Variants in VARS1 observed in about 807,000 individuals in gnomAD.
VARS1 encodes the protein valine--tRNA ligase.
A neutral mutation model predicts 161.0 loss-of-function variants in VARS1; 92 were observed. The ratio of observed to expected loss-of-function variants is 0.57; its 90% CI spans 0.48 to 0.68. The LOEUF is 0.68. Among genes scored for constraint, VARS1 ranks in the 30% least tolerant of loss-of-function variants. VARS1 has a pLI of 0.00. For missense variants in VARS1, 1,338 were observed against 1,695.9 expected (o/e 0.79, Z 3.71); for synonymous variants, 595 against 682.5 (o/e 0.87, Z 2.00).
In VARS1 at chr6:31,781,885, T is replaced by A. The variant is rs1445469738; in HGVS notation, c.2309A>T (p.Glu770Val). ...GATCTTGTCAGGGGACACTCCGAAC[T>A]CCTTGGCTGCCTTCTCCCGGGCCTC... Reference protein sequence around the residue: ...EAEAREKAAKEFGVSPDKISL... With the variant: ...EAEAREKAAKVFGVSPDKISL... The change falls in exon 19 of 30, where the codon GAG becomes GTG. Residue 770 changes from glutamate (E) to valine (V), a missense_variant. Glu to Val is a moderately radical substitution (Grantham distance 121). Around this residue, in one of 3 missense-constraint regions of VARS1, gnomAD observed 902 missense variants for 1,090.3 expected, o/e 0.83. Transcript: ENST00000375663. This position sits in a 1 kb window ranked among gnomAD's most constrained non-coding sequence, Gnocchi z 6.8. 20 of 1,612,980 alleles carry A rather than the reference T, an allele frequency of 1.2e-5. No homozygotes were observed. Among genetic ancestry groups the A allele is most frequent in the Non-Finnish European group, 1.6e-5 (19 of 1,180,030 alleles).
At chr6:31,787,093 G>A (rs1480219379) in intron 8 of VARS1, among the ~76,000 whole-genome samples, 1 of 150,994 alleles carries the variant, frequency 6.6e-6, no homozygotes, top group Non-Finnish European at 1.5e-5. Context: ...CAGGCATGGT[G>A]GCGTGCACCT....
In VARS1 at chr6:31,781,038, A is replaced by G. The variant is rs754707547; in HGVS notation, c.2630T>C (p.Ile877Thr). The change falls in exon 22 of 30, where the codon ATC becomes ACC. Residue 877 changes from isoleucine to threonine, a missense_variant. Coordinates refer to ENST00000375663, the MANE Select transcript of VARS1 (RefSeq NM_006295.3). This position sits in a 1 kb window ranked among gnomAD's most constrained non-coding sequence, Gnocchi z 6.8. Reference sequence around the variant, plus strand: ...GCCCACCTGCAGGGAGATTCCATAGATGACGTCCAGGGGATCGATGACATT... The same window carrying G: ...GCCCACCTGCAGGGAGATTCCATAGGTGACGTCCAGGGGATCGATGACATT... ...LGNVIDPLDV[I>T]YGISLQGLHN... 6.2e-7 allele frequency: 1 copy of G among 1,614,020 alleles called. No homozygotes were observed. The highest frequency in any genetic ancestry group is 8.5e-7 in the Non-Finnish European group (1 of 1,180,024).
Position 31,785,067 on chromosome 6 carries a change from A to G in VARS1, c.1347+179T>C, listed in dbSNP as rs1015480346. ...GCCAAGACAGGGAACATGAAGGGCC[A>G]TGATATGGAAAGGGCCATGGCGAGG... On this transcript the variant is annotated intron_variant, in intron 10 of 29. Transcript: ENST00000375663. This position sits in a 1 kb window ranked among gnomAD's most constrained non-coding sequence, Gnocchi z 6.1. 6.6e-6 allele frequency among the ~76,000 whole-genome samples: 1 copy of G among 152,178 alleles called. No individual in the cohort carries two copies. Among genetic ancestry groups the G allele is most frequent in the Non-Finnish European group, 1.5e-5 (1 of 68,032 alleles).
Position 31,782,745 on chromosome 6 carries a change from G to T in VARS1, c.1863C>A (p.Leu621=), listed in dbSNP as rs1813243553. 6.2e-7 allele frequency: 1 copy of T among 1,612,910 alleles called. No homozygotes were observed. The highest frequency in any genetic ancestry group is 1.1e-5 in the South Asian group (1 of 91,084). The change falls in exon 15 of 30, where the codon CTC becomes CTA. Residue 621 remains leucine, a synonymous_variant. Coordinates refer to ENST00000375663, the MANE Select transcript of VARS1 (RefSeq NM_006295.3). The surrounding 1 kb of genome is among the most constrained non-coding windows in gnomAD (Gnocchi z 8.3). The part of the protein sequence containing the change: ...AISIMDSRGA[L]INVPPPFLGL... ...CCAGGAAAGGCGGAGGCACATTGAT[G>T]AGGGCCCCCCGGGAGTCCATGATGC... is the stretch of plus-strand genomic sequence containing the variant.
chr6:31,792,359 T>A, intron 5 of VARS1, 33 bp downstream of exon 5: 1 of 1,613,886 alleles, frequency 6.2e-7, no homozygotes, highest in Non-Finnish European at 8.5e-7. Flanking sequence ...ACCGCACACA[T>A]CAACTTTCCT....
rs768318311 is a variant in VARS1 at position 31,785,541 on chromosome 6, G to A, written c.1265+28C>T. The A allele has an allele frequency of 9.5e-6, 15 of 1,574,226 alleles. No homozygotes were observed. The highest frequency in any genetic ancestry group is 5.6e-5 in the Admixed American group (3 of 53,884). Reference sequence around the variant, plus strand: ...ATAGGGGACAGGGAGGCAGGGCTGCGATGCCCACAGGGATGCTGCATACTC... The same window carrying A: ...ATAGGGGACAGGGAGGCAGGGCTGCAATGCCCACAGGGATGCTGCATACTC... On this transcript the variant is annotated intron_variant, in intron 9 of 29. Transcript: ENST00000375663. This position sits in a 1 kb window ranked among gnomAD's most constrained non-coding sequence, Gnocchi z 6.1.
intron 8 of VARS1, among the ~76,000 whole-genome samples, chr6:31,789,885 G>A (rs1165494874): frequency 6.6e-6 from 1 of 151,920 alleles, no homozygotes; most frequent in Admixed American, 6.6e-5. Flanking sequence ...TTAGCCGGGC[G>A]TGGTGGTGGG....
At position 31,785,761 on chromosome 6, in the gene VARS1, G is replaced by A; in HGVS notation, c.1101-28C>T. The A allele has an allele frequency of 6.3e-7, 1 of 1,592,200 alleles. No individual in the cohort carries two copies. The highest frequency in any genetic ancestry group is 8.5e-7 in the Non-Finnish European group (1 of 1,172,232). ...GTTAGGGGGCATGGAGGACCAGAGG[G>A]TGAGCCAGGCCAGTGGGGCCTGGCA... On this transcript the variant is annotated intron_variant, in intron 8 of 29. Coordinates refer to ENST00000375663, the MANE Select transcript of VARS1 (RefSeq NM_006295.3). The surrounding 1 kb of genome is among the most constrained non-coding windows in gnomAD (Gnocchi z 6.1).
At position 31,792,867 on chromosome 6, in the gene VARS1, C is replaced by T; in HGVS notation, c.551G>A (p.Trp184Ter). The T allele has an allele frequency of 6.2e-7, 1 of 1,614,148 alleles. No individual in the cohort carries two copies. The highest frequency in any genetic ancestry group is 2.2e-5 in the East Asian group (1 of 44,886). The change falls in exon 4 of 30, where the codon TGG becomes TAG. Residue 184 changes from tryptophan to a stop codon, truncating the protein, a stop_gained. Coordinates refer to ENST00000375663, the MANE Select transcript of VARS1 (RefSeq NM_006295.3). LOFTEE classifies it high-confidence loss of function. ...GACAAACCAGCGAGTCACATTATTCCAGATCCGGCGGGCAGGTGGGTCTAG... is the reference window on the plus strand; with the variant it reads ...GACAAACCAGCGAGTCACATTATTCTAGATCCGGCGGGCAGGTGGGTCTAG... ...YVLDPPARRIWNNVTRWFVTC... is the reference protein window; with the variant it reads ...YVLDPPARRI
At chr6:31,792,627 CT>C (rs1403789261) in intron 4 of VARS1, 111 bp from the exon 5 acceptor site, 2 of 1,592,528 alleles carry the variant, frequency 1.3e-6, no homozygotes, top group Admixed American at 3.4e-5. Flanking sequence ...CCATGCTGAC[CT>C]CCCCCCTCTC....
At chr6:31,792,326 G>A (rs1813927629) in intron 5 of VARS1, 25 bp from the exon 6 acceptor site, 1 of 1,613,628 alleles carries the variant, frequency 6.2e-7, no homozygotes, top group Admixed American at 1.7e-5. Context: ...GAAGACATAG[G>A]CCCAGGCATC....
Position 31,784,118 on chromosome 6 carries a change from T to A in VARS1, c.1671+96A>T. The A allele has an allele frequency of 1.4e-6, 2 of 1,398,780 alleles. No individual in the cohort carries two copies. Among genetic ancestry groups the A allele is most frequent in the Non-Finnish European group, 2.0e-6 (2 of 1,006,148 alleles). The allele number at this position is 1,398,780 out of a possible 1,614,324, so 86.6% of individuals were successfully genotyped here. A position where few individuals can be genotyped will look rare whatever the true frequency, so the allele number is the denominator to read the frequency against. ...GACCAGTTTCTAACCCAGTTTCCTC[T>A]CCTCAGCCAGGGGCCTAAGTCCAAC... On this transcript the variant is annotated intron_variant, in intron 13 of 29. Transcript: ENST00000375663. The surrounding 1 kb of genome is among the most constrained non-coding windows in gnomAD (Gnocchi z 6.1).
Position 31,784,712 on chromosome 6 carries a change from T to C in VARS1, c.1350A>G (p.Lys450=). Residue 450 remains lysine, a splice_region_variant and synonymous_variant, in exon 11 of 30, where the codon AAA becomes AAG. Coordinates refer to ENST00000375663, the MANE Select transcript of VARS1 (RefSeq NM_006295.3). The surrounding 1 kb of genome is among the most constrained non-coding windows in gnomAD (Gnocchi z 6.1). ...AGGCCTCTGTCACAGCTGCTGAGAG[T>C]TTCTGGGGTGGAGGAGGGAGAAGTC... ...WDRACFTMDP[K]LSAAVTEAFV... is the part of the protein sequence containing the mutation. 1 of 1,612,314 alleles carries C rather than the reference T, an allele frequency of 6.2e-7. No individual in the cohort carries two copies.
At position 31,791,985 on chromosome 6, in the gene VARS1, AG is replaced by A; in HGVS notation, c.872-15del. On this transcript the variant is annotated splice_polypyrimidine_tract_variant and intron_variant, in intron 6 of 29. Coordinates refer to ENST00000375663, the MANE Select transcript of VARS1 (RefSeq NM_006295.3). This position sits in a 1 kb window ranked among gnomAD's most constrained non-coding sequence, Gnocchi z 5.0. ...GGCCACTGACATCTGGGGGAGAGGA[AG>A]GGAGGGCTCAGTGCCGTGGCTGGGA... 1 of 1,568,638 alleles carries A rather than the reference AG, an allele frequency of 6.4e-7. No individual in the cohort carries two copies. Among genetic ancestry groups the A allele is most frequent in the Non-Finnish European group, 8.6e-7 (1 of 1,157,278 alleles).
Position 31,793,006 on chromosome 6 carries a change from A to G in VARS1, c.502T>C (p.Leu168=), listed in dbSNP as rs148951521. The change falls in exon 3 of 30, where the codon TTG becomes CTG. Residue 168 remains leucine, a synonymous_variant. Transcript: ENST00000375663. The stretch of plus-strand genomic sequence containing the variant: ...CTCACGTATCGGAAAGGCAGCAGCA[A>G]GGCTGTGACAGCCGCCAGGTCAGCC... ...TLADLAAVTA[L]LLPFRYVLDP... The G allele has an allele frequency of 8.6e-4, 1,390 of 1,613,376 alleles. 11 individuals are homozygous for G. In the African/African-American group the frequency reaches 0.016, roughly 19 times the overall value.
chr6:31,780,215 C>T lies in VARS1; in HGVS notation c.2926-62G>A. On this transcript the variant is annotated intron_variant, in intron 25 of 29. Transcript: ENST00000375663. This position sits in a 1 kb window ranked among gnomAD's most constrained non-coding sequence, Gnocchi z 5.1. Reference sequence around the variant, plus strand: ...GGAGGGTGCCAGAACCCCATGGGGGCAGGAGTCATGGGCAAATCTTCATCC... The same window carrying T: ...GGAGGGTGCCAGAACCCCATGGGGGTAGGAGTCATGGGCAAATCTTCATCC... 1 of 1,597,970 alleles carries T rather than the reference C, an allele frequency of 6.3e-7. No homozygotes were observed. The highest frequency in any genetic ancestry group is 8.5e-7 in the Non-Finnish European group (1 of 1,174,206).
In VARS1 at chr6:31,791,777, G is replaced by A. The variant is rs370993034; in HGVS notation, c.973-40C>T. The A allele has an allele frequency of 1.7e-5, 28 of 1,612,964 alleles. No homozygotes were observed. In the East Asian group the frequency reaches 3.8e-4, roughly 22 times the overall value. On this transcript the variant is annotated intron_variant, in intron 7 of 29. Transcript: ENST00000375663. The surrounding 1 kb of genome is among the most constrained non-coding windows in gnomAD (Gnocchi z 5.0). ...GGATGGCACATGTTTAAGGCCTCAGGTCACCTCTCCCAGCCCCTCCCAGGC... is the reference window on the plus strand; with the variant it reads ...GGATGGCACATGTTTAAGGCCTCAGATCACCTCTCCCAGCCCCTCCCAGGC...
intron 14 of VARS1, 25 bp downstream of exon 14, chr6:31,783,071 C>T: frequency 6.2e-7 from 1 of 1,610,196 alleles, no homozygotes; most frequent in Non-Finnish European, 8.5e-7. Flanking sequence ...TTTTCCTCTC[C>T]CCACAGGACC....
At position 31,785,814 on chromosome 6, in the gene VARS1, G is replaced by A; in HGVS notation, c.1101-81C>T. ...AAAGAAAGCAGAGGCTTCAGGCAAG[G>A]AGTCAGTGGACTAAATAAAGAAGCA... On this transcript the variant is annotated intron_variant, in intron 8 of 29. Transcript: ENST00000375663. The surrounding 1 kb of genome is among the most constrained non-coding windows in gnomAD (Gnocchi z 6.1). 5 of 1,499,884 alleles carry A rather than the reference G, an allele frequency of 3.3e-6. No homozygotes were observed. The South Asian group carries it at 6.5e-5, about 20-fold the overall frequency. 92.9% of individuals were successfully genotyped at this position (1,499,884 alleles called of 1,614,324 possible).
Sources: gnomAD v4.1 joint callset for allele counts (sites outside exome capture counted in the v4.1 genomes callset) on GRCh38, gnomAD v4.1.1 for gene constraint, gnomAD v4.1.1 regional missense constraint, Gnocchi (gnomAD v3.1) non-coding constraint, MANE v1.5 for transcripts, NCBI Gene and HGNC (gene_info 2026-07-23, HGNC 2026-07-21) for gene names.